The following SPATA22 variants were observed in gnomAD, a reference collection of about 807,000 sequenced individuals.
SPATA22 encodes spermatogenesis associated 22.
In SPATA22, 29 loss-of-function variants were observed where a neutral mutation model predicts 47.8. The observed-to-expected ratio is 0.61, with a 90% confidence interval of 0.45 to 0.83. The LOEUF is 0.83. SPATA22 is among the 40% of genes least tolerant of loss of function. The pLI, the probability that SPATA22 is intolerant of heterozygous loss-of-function variation, is 0.00. For synonymous variants in SPATA22, 133 were observed against 140.9 expected, an observed-to-expected ratio of 0.94 and a Z score of 0.40; for missense variants, 410 against 421.7, an observed-to-expected ratio of 0.97 and a Z score of 0.24.
In SPATA22 at chr17:3,477,635, G is replaced by A. The variant is rs183927705; in HGVS notation, c.-73-8237C>T. On this transcript the variant is annotated intron_variant, in intron 1 of 8. Transcript: ENST00000541913. The stretch of plus-strand genomic sequence containing the variant: ...GTCCGGGTAATTTTTTGTATTTTTA[G>A]TAGAGACGGGGTTTCTCCATGTTGG... Among the ~76,000 whole-genome samples, 16 of 152,046 alleles carry A rather than the reference G, an allele frequency of 1.1e-4. No individual in the cohort carries two copies. The East Asian group carries it at 2.7e-3, about 26-fold the overall frequency.
chr17:3,463,681 A>G (rs908883105), intron 3 of SPATA22, among the ~76,000 whole-genome samples: 9 of 152,084 alleles, frequency 5.9e-5, no homozygotes, highest in Non-Finnish European at 1.0e-4. Context: ...AAACTGTGCT[A>G]TGACATTATG....
chr17:3,457,070 T>C (rs1326154777), intron 5 of SPATA22, among the ~76,000 whole-genome samples: 2 of 152,172 alleles, frequency 1.3e-5, no homozygotes, highest in South Asian at 4.1e-4. Flanking sequence ...GGGCTATCTA[T>C]GACAAACCCA....
intron 5 of SPATA22, among the ~76,000 whole-genome samples, chr17:3,458,712 A>C (rs2073050797): frequency 6.6e-6 from 1 of 151,918 alleles, no homozygotes; most frequent in Non-Finnish European, 1.5e-5. Flanking sequence ...ATAGTGGCAC[A>C]TGCCTATAAT....
chr17:3,469,260 A>T, intron 2 of SPATA22, 23 bp downstream of exon 2: 1 of 1,205,144 alleles, frequency 8.3e-7, no homozygotes, highest in Non-Finnish European at 1.2e-6. Flanking sequence ...CAGAAAATTT[A>T]AAAATAAAAA....
At chr17:3,469,554 C>A (rs1435196899) in intron 1 of SPATA22, among the ~76,000 whole-genome samples, 156 bp from the exon 2 acceptor site, 1 of 152,184 alleles carries the variant, frequency 6.6e-6, no homozygotes, top group Non-Finnish European at 1.5e-5. Context: ...ACACCATAAT[C>A]CACTTTTCCA....
At chr17:3,481,778 C>T in intron 1 of SPATA22, 1 of 1,609,144 alleles carries the variant, frequency 6.2e-7, no homozygotes, top group Non-Finnish European at 8.5e-7. Flanking sequence ...CTTTTTAATT[C>T]AGATGTTTCA....
chr17:3,483,893 G>C (rs966514327), intron 1 of SPATA22, among the ~76,000 whole-genome samples: 2 of 151,920 alleles, frequency 1.3e-5, no homozygotes, highest in Non-Finnish European at 2.9e-5. Flanking sequence ...CCTGACCTCA[G>C]GTGATGCACC....
chr17:3,460,940 C>T (rs1424689910), intron 5 of SPATA22, among the ~76,000 whole-genome samples: 1 of 152,148 alleles, frequency 6.6e-6, no homozygotes, highest in East Asian at 1.9e-4. Flanking sequence ...GGCAAAGAAG[C>T]TCATCCTTAC....
chr17:3,495,233 G>T lies in SPATA22; in HGVS notation c.-74+18179C>A, dbSNP rs188758363. Among the ~76,000 whole-genome samples, 53 of 152,290 alleles carry T rather than the reference G, an allele frequency of 3.5e-4. 1 individual carries two copies. The highest frequency in any genetic ancestry group is 8.8e-5 in the Non-Finnish European group (6 of 68,030). ...CTGCACACTCCCAGACCTCAGAGAT[G>T]GAAGAGAACTGGTGGATTATCTAGT... On this transcript the variant is annotated intron_variant, in intron 1 of 8. Transcript: ENST00000541913.
chr17:3,498,827 T>C (rs1009128846), intron 1 of SPATA22: 1 of 1,368,858 alleles, frequency 7.3e-7, no homozygotes, highest in Non-Finnish European at 9.7e-7. Context: ...GTCTAGAGTC[T>C]GACATAAATT....
intron 1 of SPATA22, among the ~76,000 whole-genome samples, chr17:3,497,356 C>T (rs2073926616): frequency 6.6e-6 from 1 of 152,074 alleles, no homozygotes; most frequent in Non-Finnish European, 1.5e-5. Flanking sequence ...ATACAATAAA[C>T]ACAGAAAACA....
chr17:3,487,274 T>G (rs760035727), intron 1 of SPATA22, among the ~76,000 whole-genome samples: 1 of 152,186 alleles, frequency 6.6e-6, no homozygotes, highest in African/African-American at 2.4e-5. Flanking sequence ...CTCAGAAAGA[T>G]TGTCTCTCTA....
intron 1 of SPATA22, chr17:3,510,408 G>A (rs1285705044): frequency 2.6e-5 from 4 of 152,266 alleles, no homozygotes; most frequent in Middle Eastern, 3.4e-3. Context: ...GTCCAAAAAC[G>A]GGCCTTCCCT....
intron 1 of SPATA22, among the ~76,000 whole-genome samples, chr17:3,483,924 C>T (rs563046690): frequency 6.6e-6 from 1 of 152,308 alleles, no homozygotes; most frequent in African/African-American, 2.4e-5. Flanking sequence ...TCCCAAAGTG[C>T]TGGGATTACA....
intron 5 of SPATA22, among the ~76,000 whole-genome samples, chr17:3,456,763 C>G (rs2073008692): frequency 6.6e-6 from 1 of 151,640 alleles, no homozygotes; most frequent in Non-Finnish European, 1.5e-5. Context: ...AATTTTAGAC[C>G]AATATCCTTG....
chr17:3,470,601 A>C (rs1033392151), intron 1 of SPATA22, among the ~76,000 whole-genome samples: 3 of 151,954 alleles, frequency 2.0e-5, no homozygotes, highest in African/African-American at 7.3e-5. Context: ...ATACAAAAAA[A>C]TTAGCCGGGC....
intron 1 of SPATA22, among the ~76,000 whole-genome samples, chr17:3,498,231 A>G (rs1567619466): frequency 6.6e-6 from 1 of 152,248 alleles, no homozygotes; most frequent in Non-Finnish European, 1.5e-5. Flanking sequence ...ACAGAATTTA[A>G]CTTGAGCTGG....
At chr17:3,480,634 T>G (rs978280440) in intron 1 of SPATA22, among the ~76,000 whole-genome samples, 1 of 152,224 alleles carries the variant, frequency 6.6e-6, no homozygotes, top group Non-Finnish European at 1.5e-5. Flanking sequence ...CTTGCGGCCC[T>G]CCAGCTGCAT....
chr17:3,491,620 C>T (rs1442519971), intron 1 of SPATA22, among the ~76,000 whole-genome samples: 6 of 151,908 alleles, frequency 3.9e-5, no homozygotes, highest in African/African-American at 1.2e-4. Flanking sequence ...TGGTGGCATG[C>T]GCCTATAATT....
Sources: gnomAD v4.1 joint callset for allele counts (sites outside exome capture counted in the v4.1 genomes callset) on GRCh38, gnomAD v4.1.1 for gene constraint, MANE v1.5 for transcripts, NCBI Gene and HGNC (gene_info 2026-07-23, HGNC 2026-07-21) for gene names.